CCDC180: variants seen among roughly 807,000 people sequenced by gnomAD.
The protein encoded by CCDC180 is coiled-coil domain-containing protein 180.
Under a neutral mutation model 209.2 loss-of-function variants are expected in CCDC180, and 154 were observed. The observed-to-expected ratio is 0.74, with a 90% CI of 0.65 to 0.84. CCDC180 has a LOEUF of 0.84. Ranked by LOEUF, CCDC180 falls within the 40% of genes least tolerant of loss-of-function variation. CCDC180 has a pLI of 0.00. For missense variants in CCDC180, 1,874 were observed against 1,997.3 expected, an observed-to-expected ratio of 0.94 and a Z score of 1.18; for synonymous variants, 778 against 749.1, an observed-to-expected ratio of 1.04 and a Z score of -0.63.
At chr9:97,359,922 A>G in intron 25 of CCDC180, 60 bp from the exon 26 acceptor site, 1 of 1,599,280 alleles carries the variant, frequency 6.3e-7, no homozygotes, top group South Asian at 1.1e-5. Flanking sequence ...TTCCCACAGA[A>G]TCTACCCACC....
chr9:97,340,756 G>T (rs1826053243), intron 18 of CCDC180, among the ~76,000 whole-genome samples: 1 of 152,200 alleles, frequency 6.6e-6, no homozygotes, highest in Non-Finnish European at 1.5e-5. Flanking sequence ...GTAGCGAAAA[G>T]TGTCAAGGGA....
chr9:97,320,928 G>A (rs548778366), intron 11 of CCDC180, among the ~76,000 whole-genome samples: 15 of 152,316 alleles, frequency 9.8e-5, no homozygotes, highest in African/African-American at 2.9e-4. Flanking sequence ...TAGTGTGAAA[G>A]TGATACACAT....
At chr9:97,309,283 A>C in intron 2 of CCDC180, 131 bp from the exon 3 acceptor site, 1 of 770,142 alleles carries the variant, frequency 1.3e-6, no homozygotes, top group Non-Finnish European at 2.0e-6. Context: ...CTGGGGCTGA[A>C]GGCCTCCTGA....
intron 19 of CCDC180, among the ~76,000 whole-genome samples, chr9:97,345,395 G>C (rs1217304022): frequency 1.3e-5 from 2 of 152,164 alleles, no homozygotes; most frequent in African/African-American, 4.8e-5. Flanking sequence ...TTTTATTTTA[G>C]CTGTTCTGAT....
In CCDC180 at chr9:97,364,100, C is replaced by T; in HGVS notation, c.3952C>T (p.Leu1318Phe). 6.2e-7 allele frequency: 1 copy of T among 1,614,164 alleles called. No homozygotes were observed. Among genetic ancestry groups the T allele is most frequent in the Non-Finnish European group, 8.5e-7 (1 of 1,180,020 alleles). Residue 1318 changes from leucine (L) to phenylalanine (F), a missense_variant, in exon 29 of 37, where the codon CTT (leucine) becomes TTT (phenylalanine). Coordinates refer to ENST00000529487, the MANE Select transcript of CCDC180 (RefSeq NM_020893.6). ...PNKMERKYRV[L>F]GDKPPPAAED... ...CAAAATGGAGAGAAAGTACCGGGTG[C>T]TTGGGGACAAGCCTCCCCCTGCTGC...
At chr9:97,309,830 G>T (rs1832923314) in intron 3 of CCDC180, among the ~76,000 whole-genome samples, 1 of 152,202 alleles carries the variant, frequency 6.6e-6, no homozygotes, top group Non-Finnish European at 1.5e-5. Context: ...CAGGCACTGG[G>T]TATGGGGATC....
At chr9:97,354,757 TC>T in intron 23 of CCDC180, 44 bp downstream of exon 23, 1 of 1,612,520 alleles carries the variant, frequency 6.2e-7, no homozygotes, top group Non-Finnish European at 8.5e-7. Context: ...TTCCACAGTA[TC>T]CCTTGCTCAA....
intron 31 of CCDC180, among the ~76,000 whole-genome samples, chr9:97,368,736 G>A (rs900798534): frequency 1.3e-5 from 2 of 152,124 alleles, no homozygotes; most frequent in Non-Finnish European, 2.9e-5. Flanking sequence ...CTTGCTTGTT[G>A]GACATATAAC....
intron 28 of CCDC180, 37 bp downstream of exon 28, chr9:97,362,478 TC>T: frequency 6.3e-7 from 1 of 1,597,868 alleles, no homozygotes; most frequent in Non-Finnish European, 8.5e-7. Flanking sequence ...CCCTTCCCAG[TC>T]CATCCCCCCA....
chr9:97,317,636 G>A (rs974843866), intron 9 of CCDC180, among the ~76,000 whole-genome samples: 12 of 152,062 alleles, frequency 7.9e-5, no homozygotes, highest in African/African-American at 2.4e-4. Flanking sequence ...CATCCTTCAG[G>A]CAAACACTTC....
At chr9:97,333,855 C>T (rs1825825257) in intron 18 of CCDC180, among the ~76,000 whole-genome samples, 2 of 151,152 alleles carry the variant, frequency 1.3e-5, no homozygotes, top group South Asian at 4.2e-4. Flanking sequence ...GAGTCTCACT[C>T]TGTCACTCAG....
intron 12 of CCDC180, among the ~76,000 whole-genome samples, 172 bp from the exon 13 acceptor site, chr9:97,323,609 C>T (rs534113977): frequency 1.3e-5 from 2 of 152,296 alleles, no homozygotes; most frequent in South Asian, 2.1e-4. Flanking sequence ...GCCTCTCCAG[C>T]CAGCTTATGC....
chr9:97,370,197 G>C, intron 32 of CCDC180, 115 bp downstream of exon 32: 2 of 1,150,022 alleles, frequency 1.7e-6, no homozygotes, highest in Non-Finnish European at 2.4e-6. Flanking sequence ...GCTTGGCTTG[G>C]GATTTTTGGA....
chr9:97,369,721 G>T (rs1827023588), intron 31 of CCDC180: 4 of 526,432 alleles, frequency 7.6e-6, no homozygotes, highest in South Asian at 6.8e-5. Flanking sequence ...GATTACAGGT[G>T]TAAGCCACTG....
chr9:97,364,013 C>T (rs1826842079), intron 28 of CCDC180, 38 bp from the exon 29 acceptor site: 2 of 1,598,316 alleles, frequency 1.3e-6, no homozygotes, highest in African/African-American at 1.3e-5. Flanking sequence ...TGCGTCTGTC[C>T]ACAGCCTCCA....
upstream of CCDC180, chr9:97,307,544 T>C: frequency 1.6e-6 from 1 of 618,486 alleles, no homozygotes; most frequent in East Asian, 2.8e-5. Flanking sequence ...TAGCGTGACC[T>C]GAATCAGGTT....
chr9:97,367,279 A>G (rs996104149), intron 31 of CCDC180, among the ~76,000 whole-genome samples: 6 of 152,076 alleles, frequency 3.9e-5, no homozygotes, highest in Non-Finnish European at 8.8e-5. Context: ...CTTTTTATCA[A>G]TGAATAATAT....
chr9:97,330,508 A>T lies in CCDC180; in HGVS notation c.2015A>T (p.Gln672Leu). ...TTCATAACTGAAGAGGTGCTGGGGC[A>T]GCAGAAAAAATCTCCACTGCATGCT... ...ESFITEEVLG[Q>L]QKKSPLHAKM... Residue 672 changes from glutamine to leucine, a missense_variant, in exon 18 of 37, where the codon CAG becomes CTG. Physicochemically the swap from Gln to Leu is moderately radical, Grantham distance 113. Coordinates refer to ENST00000529487, the MANE Select transcript of CCDC180 (RefSeq NM_020893.6). 2 of 1,614,190 alleles carry T rather than the reference A, an allele frequency of 1.2e-6. No individual in the cohort carries two copies. Among genetic ancestry groups the T allele is most frequent in the Non-Finnish European group, 1.7e-6 (2 of 1,180,040 alleles).
chr9:97,348,334 T>C (rs1341318594), intron 20 of CCDC180, among the ~76,000 whole-genome samples: 1 of 152,140 alleles, frequency 6.6e-6, no homozygotes, highest in African/African-American at 2.4e-5. Context: ...TTGTGTGGCA[T>C]TTGGAACCTC....
Sources: gnomAD v4.1 joint callset for allele counts (sites outside exome capture counted in the v4.1 genomes callset) on GRCh38, gnomAD v4.1.1 for gene constraint, MANE v1.5 for transcripts, NCBI Gene and HGNC (gene_info 2026-07-23, HGNC 2026-07-21) for gene names.